Variants in INTS11 observed in about 807,000 individuals in gnomAD.
INTS11 encodes the protein integrator complex subunit 11, also known as CPSF3-like protein.
Under a neutral mutation model 78.6 loss-of-function variants are expected in INTS11, and 77 were observed. The ratio of observed to expected loss-of-function variants is 0.98; its 90% confidence interval spans 0.81 to 1.18. INTS11 has a LOEUF of 1.18. INTS11 is among the 50% of genes most tolerant of loss of function. The probability of loss-of-function intolerance (pLI) is 0.00; values close to 1 mark genes in which losing one functional copy is unlikely to be tolerated. For missense variants in INTS11, 875 were observed against 825.9 expected, an observed-to-expected ratio of 1.06 and a Z score of -0.73; for synonymous variants, 441 against 326.9, an observed-to-expected ratio of 1.35 and a Z score of -3.77.
chr1:1,314,704 G>T lies in INTS11; in HGVS notation c.702+120C>A. On this transcript the variant is annotated intron_variant, in intron 7 of 16. Transcript: ENST00000435064. This position sits in a 1 kb window ranked among gnomAD's most constrained non-coding sequence, Gnocchi z 4.2. ...GTTGAGCAAATCTTCTTCCCTCCCT[G>T]CCTGAAAATGCAGTACCCCCCACCC... The T allele has an allele frequency of 1.7e-6, 2 of 1,196,416 alleles. No individual in the cohort carries two copies. Among genetic ancestry groups the T allele is most frequent in the Non-Finnish European group, 2.4e-6 (2 of 844,426 alleles). 74.1% of individuals were successfully genotyped at this position (1,196,416 alleles called of 1,614,324 possible). A position where few individuals can be genotyped will look rare whatever the true frequency, so the allele number is the denominator to read the frequency against.
Position 1,315,446 on chromosome 1 carries a change from A to G in INTS11, c.529-8T>C, listed in dbSNP as rs754928458. ...GGTCATGTTATAATCACCCTGGTGA[A>G]CGATCAAGGATGCCATGAGGAGGGT... is the stretch of plus-strand genomic sequence containing the variant. On this transcript the variant is annotated splice_polypyrimidine_tract_variant and splice_region_variant and intron_variant, in intron 5 of 16. Coordinates refer to ENST00000435064, the MANE Select transcript of INTS11 (RefSeq NM_017871.6). 1.3e-5 allele frequency: 21 copies of G among 1,613,206 alleles called. No individual in the cohort carries two copies. The Admixed American group carries it at 3.3e-4, about 26-fold the overall frequency.
intron 1 of INTS11, among the ~76,000 whole-genome samples, chr1:1,322,577 G>A (rs1411395730): frequency 3.1e-5 from 3 of 97,626 alleles, no homozygotes; most frequent in Admixed American, 2.0e-4. Flanking sequence ...GAGGGACGGG[G>A]TGGGGAAGGG....
At position 1,314,115 on chromosome 1, in the gene INTS11, C is replaced by G. The variant is rs1480013926; in HGVS notation, c.767+186G>C. 3 of 761,122 alleles carry G rather than the reference C, an allele frequency of 3.9e-6. No homozygotes were observed. Among genetic ancestry groups the G allele is most frequent in the Admixed American group, 2.5e-5 (1 of 40,264 alleles). The allele number at this position is 761,122 out of a possible 1,614,324, so 47.1% of individuals were successfully genotyped here. On this transcript the variant is annotated intron_variant, in intron 8 of 16. Coordinates refer to ENST00000435064, the MANE Select transcript of INTS11 (RefSeq NM_017871.6). This position sits in a 1 kb window ranked among gnomAD's most constrained non-coding sequence, Gnocchi z 4.2. ...GGAGAACCAGGAACCCCTACAAGAGCCGCACACGGTGGCGCTGACGGGATG... is the reference window on the plus strand; with the variant it reads ...GGAGAACCAGGAACCCCTACAAGAGGCGCACACGGTGGCGCTGACGGGATG...
At position 1,319,299 on chromosome 1, in the gene INTS11, G is replaced by A. The variant is rs747679424; in HGVS notation, c.426C>T (p.Val142=). The A allele has an allele frequency of 8.1e-6, 13 of 1,612,042 alleles. No homozygotes were observed. Among genetic ancestry groups the A allele is most frequent in the Non-Finnish European group, 1.1e-5 (13 of 1,179,050 alleles). ...KVVAVHLHQT[V]QVDDELEIKA... is the part of the protein sequence containing the mutation. ...GCTGTGGCCCTGGGAACCTGACCTGGACCGTCTGGTGGAGGTGGACAGCCA... is the reference window on the plus strand; with the variant it reads ...GCTGTGGCCCTGGGAACCTGACCTGAACCGTCTGGTGGAGGTGGACAGCCA... Residue 142 remains valine, a synonymous_variant, in exon 4 of 17, where the codon GTC becomes GTT. Transcript: ENST00000435064.
Position 1,314,351 on chromosome 1 carries a change from C to A in INTS11, c.717G>T (p.Val239=). 6.2e-7 allele frequency: 1 copy of A among 1,607,662 alleles called. No homozygotes were observed. The highest frequency in any genetic ancestry group is 8.5e-7 in the Non-Finnish European group (1 of 1,177,788). Residue 239 remains valine, a synonymous_variant, in exon 8 of 17, where the codon GTG becomes GTT. Coordinates refer to ENST00000435064, the MANE Select transcript of INTS11 (RefSeq NM_017871.6). This position sits in a 1 kb window ranked among gnomAD's most constrained non-coding sequence, Gnocchi z 4.2. Reference sequence around the variant, plus strand: ...GCTCCTGGGCGCGGCCCAGCGCGAACACAGGTATCAGCACCTGAGGGGGAC... The same window carrying A: ...GCTCCTGGGCGCGGCCCAGCGCGAAAACAGGTATCAGCACCTGAGGGGGAC... ...VERGGKVLIP[V]FALGRAQELC...
intron 16 of INTS11, 22 bp from the exon 17 acceptor site, chr1:1,311,946 T>C (rs374446194): frequency 3.7e-5 from 59 of 1,584,790 alleles, no homozygotes; most frequent in Non-Finnish European, 4.1e-5. Context: ...GCAAAAGCAT[T>C]GTGGGTGGTG....
intron 8 of INTS11, 56 bp from the exon 9 acceptor site, chr1:1,313,977 A>T: frequency 6.4e-7 from 1 of 1,562,294 alleles, no homozygotes; most frequent in Non-Finnish European, 8.7e-7. Flanking sequence ...GCTGCAGGGC[A>T]GGACTCGGCC....
intron 2 of INTS11, 66 bp from the exon 3 acceptor site, chr1:1,320,595 C>G (rs754409085): frequency 6.5e-7 from 1 of 1,542,924 alleles, no homozygotes; most frequent in Non-Finnish European, 9.0e-7. Context: ...GCCACCCATG[C>G]CCCAGGGAGG....
intron 4 of INTS11, among the ~76,000 whole-genome samples, chr1:1,315,919 G>A (rs1005047285): frequency 5.3e-5 from 8 of 152,114 alleles, no homozygotes; most frequent in Admixed American, 5.2e-4. Context: ...AGTTCACAAG[G>A]GACGGGCAAC....
At chr1:1,319,138 A>G (rs762360064) in intron 4 of INTS11, 158 bp downstream of exon 4, 1 of 811,574 alleles carries the variant, frequency 1.2e-6, no homozygotes, top group Admixed American at 1.7e-5. Flanking sequence ...CCTCGCGCTG[A>G]CGCCTCCTGG....
chr1:1,314,721 C>A lies in INTS11; in HGVS notation c.702+103G>T. ...CCCTCCCTGCCTGAAAATGCAGTAC[C>A]CCCCACCCTGAGACCCTGACCCATG... On this transcript the variant is annotated intron_variant, in intron 7 of 16. Transcript: ENST00000435064. The surrounding 1 kb of genome is among the most constrained non-coding windows in gnomAD (Gnocchi z 4.2). The A allele has an allele frequency of 7.4e-7, 1 of 1,344,190 alleles. No homozygotes were observed. Among genetic ancestry groups the A allele is most frequent in the South Asian group, 1.4e-5 (1 of 73,700 alleles). 83.3% of individuals were successfully genotyped at this position (1,344,190 alleles called of 1,614,324 possible). A position where few individuals can be genotyped will look rare whatever the true frequency, so the allele number is the denominator to read the frequency against.
At position 1,320,506 on chromosome 1, in the gene INTS11, G is replaced by A. The variant is rs565670384; in HGVS notation, c.150C>T (p.Tyr50=). ...CTGTTAGGCGGCCGTTCTGGGTGAT[G>A]TAGGAGAAGTCAGGGAAGCGTCGCT... ...NDDRRFPDFS[Y]ITQNGRLTDF... Residue 50 remains tyrosine, a synonymous_variant, in exon 3 of 17, where the codon TAC becomes TAT. Transcript: ENST00000435064. The A allele has an allele frequency of 9.5e-5, 154 of 1,613,978 alleles. No individual in the cohort carries two copies. The South Asian group carries it at 1.6e-3, about 16-fold the overall frequency.
Position 1,323,181 on chromosome 1 carries a change from G to A in INTS11, c.28+1400C>T, listed in dbSNP as rs969284363. 2.3e-5 allele frequency: 36 copies of A among 1,550,108 alleles called. No homozygotes were observed. The Admixed American group carries it at 2.4e-4, about 10-fold the overall frequency. ...GGGCACCCTCCGAGGAAGCGCTCAC[G>A]CCATGGGGGAGGACATGGAATCCCG... On this transcript the variant is annotated intron_variant, in intron 1 of 16. Coordinates refer to ENST00000435064, the MANE Select transcript of INTS11 (RefSeq NM_017871.6).
In INTS11 at chr1:1,312,253, G is replaced by A. The variant is rs1642245470; in HGVS notation, c.1580C>T (p.Ala527Val). 5.8e-6 allele frequency: 9 copies of A among 1,545,176 alleles called. No homozygotes were observed. The East Asian group carries it at 1.7e-4, about 29-fold the overall frequency. Residue 527 changes from alanine (A) to valine (V), a missense_variant, in exon 15 of 17, where the codon GCA becomes GTA. Transcript: ENST00000435064. Reference sequence around the variant, plus strand: ...CTTGAGGTGGCTGTAGACGCGCAATGCCGTCTCCTGCTCCTTGCGTGTGTC... The same window carrying A: ...CTTGAGGTGGCTGTAGACGCGCAATACCGTCTCCTGCTCCTTGCGTGTGTC... ...LHDTRKEQET[A>V]LRVYSHLKSV... is the part of the protein sequence containing the mutation.
intron 1 of INTS11, 66 bp downstream of exon 1, chr1:1,324,515 G>A (rs1305652850): frequency 8.7e-6 from 13 of 1,498,810 alleles, no homozygotes; most frequent in Non-Finnish European, 1.2e-5. Flanking sequence ...AGGGAGCGGG[G>A]CGCCCAGCCC....
intron 3 of INTS11, 186 bp downstream of exon 3, chr1:1,320,270 A>G: frequency 1.6e-6 from 1 of 620,214 alleles, no homozygotes; most frequent in Non-Finnish European, 2.9e-6. Context: ...GGCCGGAAGA[A>G]CAGACAGAGA....
Position 1,320,305 on chromosome 1 carries a change from G to T in INTS11, c.200+151C>A, listed in dbSNP as rs914515464. 2.0e-5 allele frequency: 14 copies of T among 712,554 alleles called. No individual in the cohort carries two copies. In the African/African-American group the frequency reaches 2.5e-4, roughly 13 times the overall value. The allele number at this position is 712,554 out of a possible 1,614,324, so 44.1% of individuals were successfully genotyped here. A position where few individuals can be genotyped will look rare whatever the true frequency, so the allele number is the denominator to read the frequency against. On this transcript the variant is annotated intron_variant, in intron 3 of 16. Coordinates refer to ENST00000435064, the MANE Select transcript of INTS11 (RefSeq NM_017871.6). The stretch of plus-strand genomic sequence containing the variant: ...ACCAGGCCATGTGTGTGACCAGTAA[G>T]GCAGGCAGGGAGCAGATCCTGGGGC...
chr1:1,313,637 C>G, intron 9 of INTS11, 45 bp from the exon 10 acceptor site: 2 of 1,610,522 alleles, frequency 1.2e-6, no homozygotes, highest in Non-Finnish European at 1.7e-6. Context: ...GCAGCAGATG[C>G]CCCCACCCCC....
intron 15 of INTS11, 24 bp downstream of exon 15, chr1:1,312,202 G>C (rs1557628569): frequency 8.3e-7 from 1 of 1,208,054 alleles, no homozygotes; most frequent in African/African-American, 1.4e-5. Context: ...AGGGAGTGGG[G>C]GGGGGGCGGG....
Sources: gnomAD v4.1 joint callset for allele counts (sites outside exome capture counted in the v4.1 genomes callset) on GRCh38, gnomAD v4.1.1 for gene constraint, Gnocchi (gnomAD v3.1) non-coding constraint, MANE v1.5 for transcripts, NCBI Gene and HGNC (gene_info 2026-07-23, HGNC 2026-07-21) for gene names.